The following ZNF367 variants were observed in gnomAD, a reference collection of about 807,000 sequenced individuals.
ZNF367 encodes C2H2 zinc finger protein ZFF29.
A neutral mutation model predicts 31.8 loss-of-function variants in ZNF367; 11 were observed. The observed-to-expected ratio is 0.35, with a 90% CI of 0.22 to 0.57. The LOEUF is 0.57. ZNF367 is among the 20% of genes least tolerant of loss of function. The pLI, the probability that ZNF367 is intolerant of heterozygous loss-of-function variation, is 0.85. For missense variants in ZNF367, 353 were observed against 484.1 expected, an observed-to-expected ratio of 0.73 and a Z score of 2.54; for synonymous variants, 199 against 202.4, an observed-to-expected ratio of 0.98 and a Z score of 0.14.
intron 1 of ZNF367, among the ~76,000 whole-genome samples, chr9:96,408,605 G>T (rs1831701852): frequency 6.6e-6 from 1 of 152,164 alleles, no homozygotes; most frequent in South Asian, 2.1e-4. Flanking sequence ...GGTGGCCAGG[G>T]ACTAGAGAGG....
rs556089962 is a variant in ZNF367, at chr9:96,417,438, C to A, written c.420+175G>T. 4.6e-5 allele frequency among the ~76,000 whole-genome samples: 1 copy of A among 21,904 alleles called. No homozygotes were observed. Among genetic ancestry groups the A allele is most frequent in the South Asian group, 2.9e-3 (1 of 344 alleles). The allele number at this position is 21,904 out of a possible 152,430, so 14.4% of individuals were successfully genotyped here. A position where few individuals can be genotyped will look rare whatever the true frequency, so the allele number is the denominator to read the frequency against. The stretch of plus-strand genomic sequence containing the variant: ...CCGCTCCCGCCTGTCACGTGACAGG[C>A]CCCCCCCGACTGGGGCCGGTTTTTG... On this transcript the variant is annotated intron_variant, in intron 1 of 4. Coordinates refer to ENST00000375256, the MANE Select transcript of ZNF367 (RefSeq NM_153695.4). This position sits in a 1 kb window ranked among gnomAD's most constrained non-coding sequence, Gnocchi z 5.0.
At chr9:96,416,180 C>T (rs1183754794) in intron 1 of ZNF367, among the ~76,000 whole-genome samples, 5 of 151,330 alleles carry the variant, frequency 3.3e-5, no homozygotes, top group African/African-American at 1.2e-4. Flanking sequence ...CTCCGCCTCC[C>T]GCTTCACGCC....
At chr9:96,395,037 C>T in intron 2 of ZNF367, 95 bp from the exon 3 acceptor site, 1 of 1,358,008 alleles carries the variant, frequency 7.4e-7, no homozygotes, top group Non-Finnish European at 1.0e-6. Context: ...GGTCATGACT[C>T]CCAATAACAA....
At chr9:96,415,624 A>G (rs1168889441) in intron 1 of ZNF367, among the ~76,000 whole-genome samples, 1 of 148,022 alleles carries the variant, frequency 6.8e-6, no homozygotes, top group Non-Finnish European at 1.5e-5. Context: ...TAGCCTCCCA[A>G]GTAGCTGGGA....
chr9:96,389,352 C>CA (rs1367502070), intron 4 of ZNF367, among the ~76,000 whole-genome samples: 1 of 149,342 alleles, frequency 6.7e-6, no homozygotes, highest in Non-Finnish European at 1.5e-5. Flanking sequence ...ACAGATCATA[C>CA]AAAACTGTCC....
In ZNF367 at chr9:96,386,441, T is replaced by G. The variant is rs1274872723; in HGVS notation, c.*1796A>C. Reference sequence around the variant, plus strand: ...TTTTTAGTTCATTAAATCACATATTTGAGAGCAAAAATTCTAGAGGAAATG... The same window carrying G: ...TTTTTAGTTCATTAAATCACATATTGGAGAGCAAAAATTCTAGAGGAAATG... On this transcript the variant is annotated 3_prime_UTR_variant, in exon 5 of 5. Transcript: ENST00000375256. The G allele has an allele frequency of 2.6e-5, 4 of 152,138 alleles. No individual in the cohort carries two copies. The highest frequency in any genetic ancestry group is 9.7e-5 in the African/African-American group (4 of 41,440). The allele number at this position is 152,138 out of a possible 1,614,324, so 9.4% of individuals were successfully genotyped here.
In ZNF367 at chr9:96,400,436, G is replaced by C. The variant is rs550978314; in HGVS notation, c.421-2122C>G. Among the ~76,000 whole-genome samples, 4 of 144,160 alleles carry C rather than the reference G, an allele frequency of 2.8e-5. No homozygotes were observed. The East Asian group carries it at 8.0e-4, about 29-fold the overall frequency. The allele number at this position is 144,160 out of a possible 152,430, so 94.6% of individuals were successfully genotyped here. A position where few individuals can be genotyped will look rare whatever the true frequency, so the allele number is the denominator to read the frequency against. ...AAGGAAAAGAAAAAGGAAAAAGAAT[G>C]ACAAGAAACCAGGAGAACAATGTCT... is the stretch of plus-strand genomic sequence containing the variant. On this transcript the variant is annotated intron_variant, in intron 1 of 4. Transcript: ENST00000375256.
At chr9:96,411,033 C>CA (rs113321594) in intron 1 of ZNF367, among the ~76,000 whole-genome samples, 1,735 of 108,186 alleles carry the variant, frequency 0.016, 16 homozygotes, top group African/African-American at 0.04. Context: ...TCCATCTCTA[C>CA]AAAAAAAAAA....
At chr9:96,409,065 T>TA (rs150366354) in intron 1 of ZNF367, among the ~76,000 whole-genome samples, 24,875 of 151,846 alleles carry the variant, frequency 0.16, 2,150 homozygotes, top group East Asian at 0.34. Flanking sequence ...ATCTGACTGT[T>TA]AAAAAAAGCC....
chr9:96,401,426 C>G (rs564896257), intron 1 of ZNF367, among the ~76,000 whole-genome samples: 19 of 152,034 alleles, frequency 1.2e-4, no homozygotes, highest in Non-Finnish European at 2.4e-4. Context: ...TTTGGGAAGC[C>G]GAGGCGGGCA....
chr9:96,410,612 A>C (rs1042352542), intron 1 of ZNF367, among the ~76,000 whole-genome samples: 11 of 149,944 alleles, frequency 7.3e-5, no homozygotes, highest in African/African-American at 2.2e-4. Context: ...ACGGTGGCTC[A>C]CGCCTGTAAT....
chr9:96,397,111 T>C (rs1350455575), intron 2 of ZNF367, among the ~76,000 whole-genome samples: 1 of 152,228 alleles, frequency 6.6e-6, no homozygotes, highest in East Asian at 1.9e-4. Flanking sequence ...CAATTTAGAC[T>C]ACCCACATTT....
In ZNF367 at chr9:96,418,132, C is replaced by G. The variant is rs1831861543; in HGVS notation, c.-100G>C. 1 of 1,266,040 alleles carries G rather than the reference C, an allele frequency of 7.9e-7. No individual in the cohort carries two copies. Among genetic ancestry groups the G allele is most frequent in the Non-Finnish European group, 1.0e-6 (1 of 1,004,444 alleles). The allele number at this position is 1,266,040 out of a possible 1,614,324, so 78.4% of individuals were successfully genotyped here. A position where few individuals can be genotyped will look rare whatever the true frequency, so the allele number is the denominator to read the frequency against. ...CTCCGAGTCGCAGGCTCAGTCCTGC[C>G]GGCTCATGGCAGACTGACGTTTCCC... On this transcript the variant is annotated 5_prime_UTR_variant, in exon 1 of 5. Coordinates refer to ENST00000375256, the MANE Select transcript of ZNF367 (RefSeq NM_153695.4).
At chr9:96,416,516 CCAAA>C (rs1480392052) in intron 1 of ZNF367, among the ~76,000 whole-genome samples, 3 of 152,096 alleles carry the variant, frequency 2.0e-5, no homozygotes, top group Non-Finnish European at 2.9e-5. Context: ...TCCTCAAAAC[CCAAA>C]CAATGTAGTT....
chr9:96,394,740 C>A, intron 3 of ZNF367, 83 bp downstream of exon 3: 14 of 1,306,186 alleles, frequency 1.1e-5, no homozygotes, highest in Middle Eastern at 2.8e-4. Context: ...AAAATCTTTC[C>A]CCTCAAAAAA....
chr9:96,391,147 C>A (rs1017714758), intron 4 of ZNF367, among the ~76,000 whole-genome samples: 1 of 152,138 alleles, frequency 6.6e-6, no homozygotes, highest in Non-Finnish European at 1.5e-5. Context: ...CCAAACAAAA[C>A]AGAGTTTATT....
chr9:96,404,266 C>A (rs1831643311), intron 1 of ZNF367, among the ~76,000 whole-genome samples: 1 of 152,116 alleles, frequency 6.6e-6, no homozygotes, highest in African/African-American at 2.4e-5. Flanking sequence ...CAAGACCATC[C>A]TGGCTAACAC....
At chr9:96,398,460 G>T (rs1831561678) in intron 1 of ZNF367, 146 bp from the exon 2 acceptor site, 2 of 628,654 alleles carry the variant, frequency 3.2e-6, no homozygotes, top group African/African-American at 1.8e-5. Flanking sequence ...GGAGGCTGAG[G>T]TAGGAGGATC....
Position 96,417,652 on chromosome 9 carries a change from G to C in ZNF367, c.381C>G (p.Asp127Glu). 4.3e-6 allele frequency: 4 copies of C among 939,634 alleles called. No homozygotes were observed. The highest frequency in any genetic ancestry group is 5.5e-6 in the Non-Finnish European group (4 of 728,442). 58.2% of individuals were successfully genotyped at this position (939,634 alleles called of 1,614,324 possible). Reference protein sequence around the residue: ...SASAAASGGEDEEEASSPDSG... With the variant: ...SASAAASGGEEEEEASSPDSG... The stretch of plus-strand genomic sequence containing the variant: ...TGTCTGGGCTGCTCGCTTCCTCCTC[G>C]TCCTCACCTCCCGAGGCGGCGGCGG... The change falls in exon 1 of 5, where the codon GAC (aspartate) becomes GAG (glutamate). Residue 127 changes from aspartate (D) to glutamate (E), a missense_variant. Coordinates refer to ENST00000375256, the MANE Select transcript of ZNF367 (RefSeq NM_153695.4). This position sits in a 1 kb window ranked among gnomAD's most constrained non-coding sequence, Gnocchi z 5.0.
Sources: allele counts gnomAD v4.1 joint callset (sites outside exome capture counted in the v4.1 genomes callset), GRCh38; gene constraint gnomAD v4.1.1; non-coding constraint Gnocchi (gnomAD v3.1); transcripts MANE v1.5; gene names NCBI Gene and HGNC (gene_info 2026-07-23, HGNC 2026-07-21).